Variants in PHF14 observed in about 807,000 individuals in gnomAD.
The protein encoded by PHF14 is PHD finger protein 14.
A neutral mutation model predicts 117.9 loss-of-function variants in PHF14; 55 were observed. The ratio of observed to expected loss-of-function variants is 0.47; its 90% CI spans 0.38 to 0.58. PHF14 has a LOEUF of 0.58. Among genes scored for constraint, PHF14 ranks in the 20% least tolerant of loss-of-function variants. The pLI is 0.00. For synonymous variants in PHF14, 409 were observed against 368.6 expected (o/e 1.11, Z -1.26); for missense variants, 978 against 1,122.2 (o/e 0.87, Z 1.84).
intron 3 of PHF14, among the ~76,000 whole-genome samples, chr7:10,984,413 G>A (rs1782146772): frequency 6.6e-6 from 1 of 152,058 alleles, no homozygotes; most frequent in African/African-American, 2.4e-5. Context: ...AAGGAAAGTT[G>A]TCATTTGGGA....
At chr7:11,034,953 G>A (rs1310742879) in intron 7 of PHF14, among the ~76,000 whole-genome samples, 1 of 151,926 alleles carries the variant, frequency 6.6e-6, no homozygotes, top group Non-Finnish European at 1.5e-5. Flanking sequence ...TGCAATATTA[G>A]TTTATGCATA....
intron 16 of PHF14, chr7:11,108,964 G>T (rs2128343009): frequency 6.6e-6 from 1 of 151,828 alleles, no homozygotes; most frequent in Middle Eastern, 3.4e-3. Context: ...TGTGAACTAG[G>T]AAAATGTTAA....
chr7:10,976,486 A>C (rs1562557277), intron 2 of PHF14, among the ~76,000 whole-genome samples: 2 of 152,158 alleles, frequency 1.3e-5, no homozygotes, highest in Non-Finnish European at 2.9e-5. Context: ...AATTCTTTGA[A>C]TATGGGAACA....
At chr7:11,014,003 G>T in intron 5 of PHF14, 97 bp downstream of exon 5, 1 of 727,484 alleles carries the variant, frequency 1.4e-6, no homozygotes, top group Non-Finnish European at 2.2e-6. Flanking sequence ...ACTTTCATTT[G>T]ATTGCTTCTT....
chr7:11,006,257 T>A (rs1423004942), intron 4 of PHF14: 2 of 363,974 alleles, frequency 5.5e-6, no homozygotes, highest in East Asian at 6.9e-5. Flanking sequence ...TTCACCTTAT[T>A]AAGAATGAAG....
intron 17 of PHF14, among the ~76,000 whole-genome samples, chr7:11,158,647 T>G (rs112807225): frequency 7.2e-5 from 11 of 152,144 alleles, no homozygotes; most frequent in African/African-American, 2.7e-4. Context: ...TGATTTCATA[T>G]TTTTGTCAAT....
rs186654975 is a variant in PHF14, at chr7:11,100,071, A to T, written c.2655-11279A>T. Among the ~76,000 whole-genome samples, 80 of 152,208 alleles carry T rather than the reference A, an allele frequency of 5.3e-4. No individual in the cohort carries two copies. In the East Asian group the frequency reaches 0.012, roughly 23 times the overall value. On this transcript the variant is annotated intron_variant, in intron 16 of 17. Transcript: ENST00000634607. The stretch of plus-strand genomic sequence containing the variant: ...CCAACTTCTAGTTGAAAAGCCAACT[A>T]TATTGTTTTTGATTTTTCTTTCATT...
intron 16 of PHF14, among the ~76,000 whole-genome samples, chr7:11,099,948 A>T (rs1467560256): frequency 6.6e-6 from 1 of 152,098 alleles, no homozygotes; most frequent in Non-Finnish European, 1.5e-5. Flanking sequence ...CTTGGCAGGA[A>T]CTATTGACAA....
Position 10,974,204 on chromosome 7 carries a change from C to G in PHF14, c.-120C>G, listed in dbSNP as rs1283392099. On this transcript the variant is annotated 5_prime_UTR_variant, in exon 1 of 18. Transcript: ENST00000634607. ...CGCCCCTGTCCGGCTGGCTGCGCGC[C>G]GGTTTTAAATAGCATCTTTCGGACT... The G allele has an allele frequency of 6.9e-6, 6 of 869,242 alleles. No individual in the cohort carries two copies. The highest frequency in any genetic ancestry group is 1.4e-5 in the South Asian group (1 of 70,114). 53.8% of individuals were successfully genotyped at this position (869,242 alleles called of 1,614,324 possible). A position where few individuals can be genotyped will look rare whatever the true frequency, so the allele number is the denominator to read the frequency against.
intron 16 of PHF14, among the ~76,000 whole-genome samples, chr7:11,089,256 G>A (rs913897730): frequency 5.3e-5 from 8 of 152,128 alleles, no homozygotes; most frequent in East Asian, 1.9e-4. Context: ...AGCTGTTTGC[G>A]TATGTAATTT....
intron 16 of PHF14, among the ~76,000 whole-genome samples, chr7:11,098,047 G>T (rs1299804649): frequency 6.6e-6 from 1 of 151,912 alleles, no homozygotes; most frequent in Non-Finnish European, 1.5e-5. Context: ...AGGACTGTGA[G>T]TAGAAAAATT....
chr7:11,105,385 T>C, intron 16 of PHF14: 1 of 953,540 alleles, frequency 1.0e-6, no homozygotes, highest in South Asian at 4.8e-5. Context: ...CCACTGGTTT[T>C]AAACAAAGTT....
intron 16 of PHF14, chr7:11,105,313 A>G (rs1787221968): frequency 1.5e-5 from 14 of 939,316 alleles, no homozygotes; most frequent in African/African-American, 1.8e-5. Context: ...CTGCTGACCA[A>G]TAAATAATAA....
intron 4 of PHF14, among the ~76,000 whole-genome samples, chr7:10,994,196 T>C (rs1001579117): frequency 6.6e-6 from 1 of 152,116 alleles, no homozygotes; most frequent in Non-Finnish European, 1.5e-5. Context: ...CCCAGCACTT[T>C]GGGAGGCCGA....
rs528651867 is a variant in PHF14, at chr7:11,067,106, G to A, written c.2654+5021G>A. On this transcript the variant is annotated intron_variant, in intron 16 of 17. Transcript: ENST00000634607. Reference sequence around the variant, plus strand: ...GGATTGAGAATATATAAAGAACTTGGACAACTCAGCAATAAGAAACAACCC... The same window carrying A: ...GGATTGAGAATATATAAAGAACTTGAACAACTCAGCAATAAGAAACAACCC... 2.0e-5 allele frequency among the ~76,000 whole-genome samples: 3 copies of A among 152,164 alleles called. 1 individual carries two copies. The highest frequency in any genetic ancestry group is 7.2e-5 in the African/African-American group (3 of 41,520).
chr7:11,048,592 A>G (rs545673409), intron 13 of PHF14, among the ~76,000 whole-genome samples: 6 of 152,232 alleles, frequency 3.9e-5, no homozygotes, highest in Admixed American at 1.3e-4. Flanking sequence ...AAAAATAATT[A>G]TTTGATTTCA....
At chr7:11,148,080 G>A (rs943650148) in intron 17 of PHF14, among the ~76,000 whole-genome samples, 9 of 151,762 alleles carry the variant, frequency 5.9e-5, no homozygotes, top group Non-Finnish European at 1.3e-4. Flanking sequence ...ACTTCTTTCC[G>A]TTCTGACTAC....
At chr7:11,084,975 T>A (rs535093801) in intron 16 of PHF14, among the ~76,000 whole-genome samples, 1 of 152,262 alleles carries the variant, frequency 6.6e-6, no homozygotes, top group South Asian at 2.1e-4. Flanking sequence ...TTGCAAATAT[T>A]TTCTTTAAGG....
chr7:11,040,654 A>C lies in PHF14; in HGVS notation c.2077-18A>C. On this transcript the variant is annotated intron_variant, in intron 11 of 17. Transcript: ENST00000634607. ...TCTTTCTTAAAACAATATATACTACATTTGTTCAAATCAATAGAAGTTGAA... is the reference window on the plus strand; with the variant it reads ...TCTTTCTTAAAACAATATATACTACCTTTGTTCAAATCAATAGAAGTTGAA... 1.5e-6 allele frequency: 2 copies of C among 1,366,688 alleles called. No individual in the cohort carries two copies. The highest frequency in any genetic ancestry group is 2.0e-6 in the Non-Finnish European group (2 of 994,934). The allele number at this position is 1,366,688 out of a possible 1,614,324, so 84.7% of individuals were successfully genotyped here. A position where few individuals can be genotyped will look rare whatever the true frequency, so the allele number is the denominator to read the frequency against.
Sources: gnomAD v4.1 joint callset for allele counts (sites outside exome capture counted in the v4.1 genomes callset) on GRCh38, gnomAD v4.1.1 for gene constraint, MANE v1.5 for transcripts, NCBI Gene and HGNC (gene_info 2026-07-23, HGNC 2026-07-21) for gene names.